NPAS3: variants seen among roughly 807,000 people sequenced by gnomAD.
The protein encoded by NPAS3 is neuronal PAS domain-containing protein 3.
A neutral mutation model predicts 73.1 loss-of-function variants in NPAS3; 14 were observed. That is an observed-to-expected ratio of 0.19 (90% CI 0.13 to 0.30). NPAS3 has a LOEUF of 0.30. Among genes scored for constraint, NPAS3 ranks in the 10% least tolerant of loss-of-function variants. The pLI, the probability that NPAS3 is intolerant of heterozygous loss-of-function variation, is 1.00. For synonymous variants in NPAS3, 620 were observed against 541.5 expected, an observed-to-expected ratio of 1.14 and a Z score of -2.01; for missense variants, 1,096 against 1,250.0, an observed-to-expected ratio of 0.88 and a Z score of 1.86.
intron 4 of NPAS3, among the ~76,000 whole-genome samples, chr14:33,470,992 C>G (rs1318265893): frequency 1.3e-5 from 2 of 151,880 alleles, no homozygotes; most frequent in African/African-American, 4.8e-5. Context: ...CTACAATCTA[C>G]CTCATGGCTT....
chr14:33,308,998 A>G (rs1054052815), intron 3 of NPAS3, among the ~76,000 whole-genome samples: 1 of 152,156 alleles, frequency 6.6e-6, no homozygotes, highest in Non-Finnish European at 1.5e-5. Flanking sequence ...TACTAAAAGG[A>G]AAAAACAAAC....
At chr14:33,618,556 AAATAC>A (rs2140084312) in intron 5 of NPAS3, among the ~76,000 whole-genome samples, 1 of 152,208 alleles carries the variant, frequency 6.6e-6, no homozygotes, top group South Asian at 2.1e-4. Context: ...GAGCAGCTGT[AAATAC>A]AGATAAAGCT....
chr14:33,298,621 C>T (rs1032867409), intron 3 of NPAS3, among the ~76,000 whole-genome samples: 3 of 152,116 alleles, frequency 2.0e-5, no homozygotes, highest in African/African-American at 4.8e-5. Context: ...CTATCCTTTC[C>T]TATATGTTTT....
intron 2 of NPAS3, among the ~76,000 whole-genome samples, chr14:33,122,098 A>G (rs2043251563): frequency 6.6e-6 from 1 of 152,182 alleles, no homozygotes; most frequent in South Asian, 2.1e-4. Context: ...AGTAGTTTGT[A>G]TCCAGCTATG....
At chr14:33,335,224 G>A (rs1337407023) in intron 3 of NPAS3, among the ~76,000 whole-genome samples, 4 of 152,054 alleles carry the variant, frequency 2.6e-5, no homozygotes, top group African/African-American at 9.7e-5. Context: ...CCTAGAAGTG[G>A]GAGAGTCCTT....
intron 2 of NPAS3, among the ~76,000 whole-genome samples, chr14:33,065,668 C>T (rs1415730273): frequency 6.6e-6 from 1 of 151,934 alleles, no homozygotes; most frequent in African/African-American, 2.4e-5. Context: ...ATTTCCCTGT[C>T]CCTCCCTCAA....
chr14:33,274,415 A>G (rs2140028348), intron 3 of NPAS3, among the ~76,000 whole-genome samples: 1 of 152,186 alleles, frequency 6.6e-6, no homozygotes, highest in Non-Finnish European at 1.5e-5. Flanking sequence ...TATTAATACT[A>G]CCATCAATTA....
chr14:33,335,587 C>G (rs2044188169), intron 3 of NPAS3, among the ~76,000 whole-genome samples: 1 of 152,160 alleles, frequency 6.6e-6, no homozygotes, highest in Non-Finnish European at 1.5e-5. Context: ...ACCCATTAAT[C>G]CCCTGGTCAG....
chr14:33,301,324 T>TATATA (rs56204986), intron 3 of NPAS3, among the ~76,000 whole-genome samples: 8,948 of 75,444 alleles, frequency 0.12, 1,397 homozygotes, highest in African/African-American at 0.23. Flanking sequence ...ATATATATAT[T>TATATA]TTTTTTTTTT....
chr14:33,535,301 G>T (rs980694), intron 4 of NPAS3, among the ~76,000 whole-genome samples: 30,243 of 152,028 alleles, frequency 0.2, 4,211 homozygotes, highest in African/African-American at 0.39. Context: ...CTAAATAGGC[G>T]CAAAATGTAT....
intron 5 of NPAS3, among the ~76,000 whole-genome samples, chr14:33,587,269 G>A (rs1201702904): frequency 7.9e-5 from 12 of 152,088 alleles, no homozygotes; most frequent in South Asian, 2.1e-4. Context: ...TCATTGTGAA[G>A]GATAAATTTA....
intron 4 of NPAS3, among the ~76,000 whole-genome samples, chr14:33,372,460 A>G (rs1366331795): frequency 6.6e-6 from 1 of 152,210 alleles, no homozygotes; most frequent in Non-Finnish European, 1.5e-5. Flanking sequence ...TGGTGATTTT[A>G]TCAATGTAAA....
chr14:33,007,518 AT>A (rs1234578001), intron 1 of NPAS3, among the ~76,000 whole-genome samples: 6 of 152,208 alleles, frequency 3.9e-5, no homozygotes, highest in Admixed American at 3.9e-4. Flanking sequence ...TCCAAAGCAG[AT>A]TTGGCTTTAT....
At chr14:33,494,532 A>G (rs1290704134) in intron 4 of NPAS3, among the ~76,000 whole-genome samples, 2 of 152,096 alleles carry the variant, frequency 1.3e-5, no homozygotes, top group African/African-American at 4.8e-5. Flanking sequence ...CAGGCTGTGA[A>G]GTGAGACTAG....
At chr14:33,787,023 G>A (rs938017248) in intron 9 of NPAS3, among the ~76,000 whole-genome samples, 3 of 149,860 alleles carry the variant, frequency 2.0e-5, no homozygotes, top group African/African-American at 2.5e-5. Flanking sequence ...GGAGTTCACC[G>A]CTTCTCATTT....
intron 5 of NPAS3, among the ~76,000 whole-genome samples, chr14:33,601,722 A>T (rs1462074358): frequency 1.3e-5 from 2 of 152,234 alleles, no homozygotes; most frequent in Non-Finnish European, 2.9e-5. Flanking sequence ...TCTGGAAAGT[A>T]ACTTAGACTT....
chr14:32,969,235 G>C (rs906519716), intron 1 of NPAS3, among the ~76,000 whole-genome samples: 5 of 152,088 alleles, frequency 3.3e-5, no homozygotes, highest in Non-Finnish European at 5.9e-5. Context: ...TGGTGAGAGA[G>C]AGAAAACCCA....
intron 2 of NPAS3, among the ~76,000 whole-genome samples, chr14:33,155,798 G>C (rs938349251): frequency 2.6e-5 from 4 of 152,150 alleles, no homozygotes; most frequent in Admixed American, 6.5e-5. Flanking sequence ...ATATTTTTCT[G>C]TATTGATTCC....
At chr14:33,678,553 G>C (rs571039138) in intron 6 of NPAS3, among the ~76,000 whole-genome samples, 1 of 152,272 alleles carries the variant, frequency 6.6e-6, no homozygotes, top group African/African-American at 2.4e-5. Context: ...TAAAAATACA[G>C]TGAAGAGAAT....
Sources: gnomAD v4.1 joint callset for allele counts (sites outside exome capture counted in the v4.1 genomes callset) on GRCh38, gnomAD v4.1.1 for gene constraint, MANE v1.5 for transcripts, NCBI Gene and HGNC (gene_info 2026-07-23, HGNC 2026-07-21) for gene names.